Variants in BCAS1 observed in about 807,000 individuals in gnomAD.
BCAS1 encodes the protein breast carcinoma-amplified sequence 1.
BCAS1 carries 46 observed loss-of-function variants against 65.4 expected under a neutral mutation model. The observed-to-expected ratio is 0.70, with a 90% CI of 0.55 to 0.90. BCAS1 has a LOEUF of 0.90. Among genes scored for constraint, BCAS1 ranks in the 40% least tolerant of loss-of-function variants. The probability of loss-of-function intolerance (pLI) is 0.00; values close to 1 mark genes in which losing one functional copy is unlikely to be tolerated. For missense variants in BCAS1, 793 were observed against 771.2 expected, an observed-to-expected ratio of 1.03 and a Z score of -0.33; for synonymous variants, 298 against 293.5, an observed-to-expected ratio of 1.02 and a Z score of -0.16.
intron 10 of BCAS1, 110 bp from the exon 11 acceptor site, chr20:53,957,607 C>A: frequency 9.8e-7 from 1 of 1,024,436 alleles, no homozygotes; most frequent in South Asian, 1.4e-5. Context: ...GGTTTGGGGT[C>A]AAGACAAATG....
chr20:54,020,882 T>A (rs924072431), intron 4 of BCAS1, among the ~76,000 whole-genome samples: 1 of 152,236 alleles, frequency 6.6e-6, no homozygotes, highest in Non-Finnish European at 1.5e-5. Flanking sequence ...TCATGAATTC[T>A]TTGTTTCATG....
At chr20:53,945,314 T>G (rs1473967003) in intron 12 of BCAS1, among the ~76,000 whole-genome samples, 1 of 152,196 alleles carries the variant, frequency 6.6e-6, no homozygotes, top group Non-Finnish European at 1.5e-5. Context: ...ATGCTTATAA[T>G]GTACTTAGTA....
rs138925370 is a variant in BCAS1, at chr20:54,062,706, A to G, written c.-5-3983T>C. On this transcript the variant is annotated intron_variant, in intron 1 of 12. Coordinates refer to ENST00000688948, the MANE Select transcript of BCAS1 (RefSeq NM_001366298.2). ...TTTCTTCCCACAGAGTTGGGGTTAC[A>G]TTATTCTGATCATTGCACACCCTAA... 3.3e-5 allele frequency among the ~76,000 whole-genome samples: 5 copies of G among 152,336 alleles called. No individual in the cohort carries two copies. In the East Asian group the frequency reaches 7.7e-4, roughly 24 times the overall value.
chr20:54,027,679 C>T (rs1180795070), intron 4 of BCAS1, among the ~76,000 whole-genome samples: 1 of 152,076 alleles, frequency 6.6e-6, no homozygotes. Flanking sequence ...CAGGCTCTCT[C>T]AAGGTTAAAA....
At chr20:54,008,810 T>C (rs1224704597) in intron 4 of BCAS1, among the ~76,000 whole-genome samples, 3 of 145,762 alleles carry the variant, frequency 2.1e-5, no homozygotes, top group Admixed American at 6.8e-5. Flanking sequence ...TAACAAAGAT[T>C]TTTTTTTTTT....
intron 4 of BCAS1, among the ~76,000 whole-genome samples, chr20:54,019,731 C>A (rs559242144): frequency 6.6e-6 from 1 of 152,320 alleles, no homozygotes; most frequent in South Asian, 2.1e-4. Flanking sequence ...AGTCTTCCAG[C>A]CTTCATCTTT....
intron 10 of BCAS1, among the ~76,000 whole-genome samples, chr20:53,958,295 C>T (rs1322283427): frequency 6.6e-6 from 1 of 152,184 alleles, no homozygotes; most frequent in Non-Finnish European, 1.5e-5. Context: ...TAGTAATGTC[C>T]TATGCTTAGT....
intron 9 of BCAS1, 75 bp from the exon 10 acceptor site, chr20:53,967,148 C>CAACAAGGACCCCA: frequency 1.3e-6 from 2 of 1,492,576 alleles, no homozygotes; most frequent in Non-Finnish European, 1.8e-6. Context: ...AAAGTGGGGT[C>CAACAAGGACCCCA]CTTGTTGCCC....
At chr20:54,042,267 C>A (rs1001632357) in intron 3 of BCAS1, among the ~76,000 whole-genome samples, 5 of 150,660 alleles carry the variant, frequency 3.3e-5, no homozygotes, top group African/African-American at 1.2e-4. Flanking sequence ...AGGAGGAAGT[C>A]GATCAGAAAA....
chr20:54,025,878 C>T (rs1224086624), intron 4 of BCAS1, among the ~76,000 whole-genome samples: 2 of 151,998 alleles, frequency 1.3e-5, no homozygotes, highest in Non-Finnish European at 2.9e-5. Context: ...ACTATGCAGC[C>T]GGGAGTCAGA....
At chr20:53,963,493 A>C (rs1049773354) in intron 10 of BCAS1, among the ~76,000 whole-genome samples, 1 of 152,112 alleles carries the variant, frequency 6.6e-6, no homozygotes, top group Admixed American at 6.5e-5. Context: ...AGAAAAAAAA[A>C]AGAAAAAGGA....
At position 53,966,935 on chromosome 20, in the gene BCAS1, T is replaced by C. The variant is rs775884225; in HGVS notation, c.1456A>G (p.Thr486Ala). 1 of 1,612,392 alleles carries C rather than the reference T, an allele frequency of 6.2e-7. No homozygotes were observed. The highest frequency in any genetic ancestry group is 8.5e-7 in the Non-Finnish European group (1 of 1,179,450). The change falls in exon 10 of 13, where the codon ACC becomes GCC. Residue 486 changes from threonine to alanine, a missense_variant. Physicochemically the swap from Thr to Ala is moderately conservative, Grantham distance 58. Coordinates refer to ENST00000688948, the MANE Select transcript of BCAS1 (RefSeq NM_001366298.2). ...TGTCTGAGAAACGCCATCAGAGAGG[T>C]TCTTGGTTTGCTTTCTTCTCTTTTG... ...KLKREESKPR[T>A]SLMAFLRQMS...
intron 4 of BCAS1, among the ~76,000 whole-genome samples, chr20:54,010,993 T>C (rs2091306772): frequency 6.6e-6 from 1 of 152,120 alleles, no homozygotes; most frequent in African/African-American, 2.4e-5. Context: ...GATAGTCTTT[T>C]CAACAAATTG....
At chr20:54,004,235 C>T (rs557817612) in intron 4 of BCAS1, among the ~76,000 whole-genome samples, 77 of 152,238 alleles carry the variant, frequency 5.1e-4, no homozygotes, top group African/African-American at 1.8e-3. Context: ...TCCATCATTC[C>T]AGGGTGCAAT....
intron 4 of BCAS1, among the ~76,000 whole-genome samples, chr20:54,002,887 C>A (rs918698869): frequency 3.3e-5 from 5 of 152,160 alleles, no homozygotes; most frequent in Admixed American, 6.5e-5. Flanking sequence ...CAGTACCCAT[C>A]ATACTGAATC....
intron 8 of BCAS1, among the ~76,000 whole-genome samples, chr20:53,979,625 G>A (rs992159920): frequency 2.0e-5 from 3 of 152,248 alleles, no homozygotes; most frequent in African/African-American, 7.2e-5. Context: ...CTTGGTGGCT[G>A]TGGTGGTGGC....
At chr20:53,952,386 T>C (rs1192384534) in intron 12 of BCAS1, among the ~76,000 whole-genome samples, 1 of 152,176 alleles carries the variant, frequency 6.6e-6, no homozygotes, top group African/African-American at 2.4e-5. Flanking sequence ...TAAGCACATC[T>C]AAAACACCTC....
intron 4 of BCAS1, among the ~76,000 whole-genome samples, chr20:54,012,314 G>A (rs2108453): frequency 0.052 from 7,984 of 152,142 alleles, 533 homozygotes; most frequent in African/African-American, 0.16. Context: ...GGATAAAAAT[G>A]TTCTCTATTT....
At position 53,944,579 on chromosome 20, in the gene BCAS1, GATT is replaced by G. The variant is rs772092268; in HGVS notation, c.*340_*342del. ...CTGCCTCGGCCTCCCAAAGTGCTGAGATTACAGGCGAGAGCCACCACGCCCGGC... is the reference window on the plus strand; with the variant it reads ...CTGCCTCGGCCTCCCAAAGTGCTGAGACAGGCGAGAGCCACCACGCCCGGC... On this transcript the variant is annotated 3_prime_UTR_variant, in exon 13 of 13. Transcript: ENST00000688948. The G allele has an allele frequency of 1.9e-5, 5 of 257,776 alleles. No individual in the cohort carries two copies. Among genetic ancestry groups the G allele is most frequent in the East Asian group, 1.8e-4 (2 of 11,032 alleles). 16.0% of individuals were successfully genotyped at this position (257,776 alleles called of 1,614,324 possible).
Sources: gnomAD v4.1 joint callset for allele counts (sites outside exome capture counted in the v4.1 genomes callset) on GRCh38, gnomAD v4.1.1 for gene constraint, MANE v1.5 for transcripts, NCBI Gene and HGNC (gene_info 2026-07-23, HGNC 2026-07-21) for gene names.